Variants in RBFOX1 observed in about 807,000 individuals in gnomAD.
RBFOX1 encodes RNA binding protein fox-1 homolog 1.
RBFOX1 carries 8 observed loss-of-function variants against 57.7 expected under a neutral mutation model. The ratio of observed to expected loss-of-function variants is 0.14; its 90% CI spans 0.08 to 0.25. The LOEUF (loss-of-function observed/expected upper bound fraction) is 0.25, where lower values mean the gene tolerates loss of function less well. Among genes scored for constraint, RBFOX1 ranks in the 10% least tolerant of loss-of-function variants. The pLI is 1.00. For missense variants in RBFOX1, 611 were observed against 548.5 expected (o/e 1.11, Z -1.14); for synonymous variants, 326 against 222.4 (o/e 1.47, Z -4.15).
chr16:6,093,533 A>C (rs1276245177), intron 1 of RBFOX1, among the ~76,000 whole-genome samples: 2 of 152,208 alleles, frequency 1.3e-5, no homozygotes, highest in African/African-American at 2.4e-5. Flanking sequence ...GATCACATGC[A>C]ACTTTAATCT....
chr16:7,466,361 G>A (rs999793624), intron 4 of RBFOX1, among the ~76,000 whole-genome samples: 1 of 152,098 alleles, frequency 6.6e-6, no homozygotes, highest in Non-Finnish European at 1.5e-5. Flanking sequence ...CCAAGCTAGC[G>A]CTTCTAACTG....
At chr16:7,008,392 A>G (rs1253788284) in intron 3 of RBFOX1, among the ~76,000 whole-genome samples, 2 of 151,956 alleles carry the variant, frequency 1.3e-5, no homozygotes, top group Non-Finnish European at 2.9e-5. Context: ...AAATACAAAA[A>G]TTAGCCAGGC....
intron 1 of RBFOX1, among the ~76,000 whole-genome samples, chr16:5,271,370 C>G (rs1456845680): frequency 8.0e-6 from 1 of 124,242 alleles, no homozygotes; most frequent in Non-Finnish European, 1.8e-5. Context: ...TGCATACATA[C>G]ATACACATAC....
At chr16:5,885,798 G>C (rs1209237277) in intron 4 of RBFOX1, among the ~76,000 whole-genome samples, 1 of 152,154 alleles carries the variant, frequency 6.6e-6, no homozygotes, top group Non-Finnish European at 1.5e-5. Flanking sequence ...CATCAGACCA[G>C]GTGCCCTAAA....
intron 3 of RBFOX1, among the ~76,000 whole-genome samples, chr16:6,929,256 T>C (rs747490969): frequency 2.6e-5 from 4 of 152,108 alleles, no homozygotes; most frequent in East Asian, 1.9e-4. Flanking sequence ...GAAGAAGATA[T>C]TGCTAAGGGT....
At chr16:6,799,548 A>G (rs537231944) in intron 3 of RBFOX1, among the ~76,000 whole-genome samples, 1 of 152,218 alleles carries the variant, frequency 6.6e-6, no homozygotes, top group Non-Finnish European at 1.5e-5. Flanking sequence ...TATGTGTGTG[A>G]AGGTGTTGTC....
chr16:6,999,254 C>T lies in RBFOX1; in HGVS notation c.-15-52803C>T, dbSNP rs1445782123. On this transcript the variant is annotated intron_variant, in intron 3 of 15. Coordinates refer to ENST00000550418, the MANE Select transcript of RBFOX1 (RefSeq NM_018723.4). ...ATTTTTTTTTTTAGAGATCAGGTCT[C>T]ACTTGTTGATCAGGCTGGTCCTGAA... Among the ~76,000 whole-genome samples the T allele has an allele frequency of 1.1e-4, 13 of 116,666 alleles. No homozygotes were observed. In the East Asian group the frequency reaches 3.2e-3, roughly 29 times the overall value. The allele number at this position is 116,666 out of a possible 152,430, so 76.5% of individuals were successfully genotyped here. A position where few individuals can be genotyped will look rare whatever the true frequency, so the allele number is the denominator to read the frequency against.
intron 4 of RBFOX1, among the ~76,000 whole-genome samples, chr16:7,207,548 T>C (rs928849020): frequency 3.3e-5 from 5 of 152,086 alleles, no homozygotes; most frequent in African/African-American, 1.2e-4. Flanking sequence ...AATGAAGACG[T>C]GATTGGATTA....
chr16:7,708,975 C>T (rs181803151), intron 14 of RBFOX1, 81 bp from the exon 15 acceptor site: 48 of 1,345,890 alleles, frequency 3.6e-5, no homozygotes, highest in Middle Eastern at 1.8e-4. Context: ...TGCATACTGT[C>T]TTGGTATTTT....
intron 3 of RBFOX1, among the ~76,000 whole-genome samples, chr16:6,889,616 A>C (rs533998665): frequency 1.3e-5 from 2 of 152,320 alleles, no homozygotes; most frequent in South Asian, 4.1e-4. Context: ...GAGGAAGGGA[A>C]GAGTGCCAAT....
intron 4 of RBFOX1, among the ~76,000 whole-genome samples, chr16:5,908,502 G>T (rs1486764654): frequency 6.6e-6 from 1 of 151,664 alleles, no homozygotes; most frequent in Admixed American, 6.6e-5. Context: ...ACAGGTGCCT[G>T]CCACCATGCC....
intron 3 of RBFOX1, among the ~76,000 whole-genome samples, chr16:6,908,981 C>T (rs929596705): frequency 3.3e-5 from 5 of 152,160 alleles, no homozygotes; most frequent in Non-Finnish European, 7.4e-5. Flanking sequence ...GGGCTCCGTT[C>T]TTCTGCTTCT....
chr16:7,225,100 C>G (rs1325860353), intron 4 of RBFOX1, among the ~76,000 whole-genome samples: 6 of 152,050 alleles, frequency 3.9e-5, no homozygotes, highest in Non-Finnish European at 8.8e-5. Flanking sequence ...ATCAGGTGTT[C>G]CAAAAAGGGC....
chr16:7,486,918 G>C (rs1001584409), intron 4 of RBFOX1, among the ~76,000 whole-genome samples: 1 of 152,052 alleles, frequency 6.6e-6, no homozygotes, highest in African/African-American at 2.4e-5. Flanking sequence ...TTGTCTTTTT[G>C]AAATGGAGTC....
chr16:6,565,359 CT>C (rs1459972295), intron 2 of RBFOX1, among the ~76,000 whole-genome samples: 3 of 152,056 alleles, frequency 2.0e-5, no homozygotes, highest in African/African-American at 7.2e-5. Flanking sequence ...CAGATTCAAG[CT>C]GATTCTCCTG....
At chr16:5,790,637 T>C (rs559115796) in intron 3 of RBFOX1, among the ~76,000 whole-genome samples, 2 of 152,086 alleles carry the variant, frequency 1.3e-5, no homozygotes, top group Admixed American at 1.3e-4. Context: ...TTTCTTATCC[T>C]CCCTAAGCCT....
At chr16:5,684,490 G>A (rs1420642600) in intron 3 of RBFOX1, among the ~76,000 whole-genome samples, 1 of 152,170 alleles carries the variant, frequency 6.6e-6, no homozygotes, top group South Asian at 2.1e-4. Context: ...TGTTCCTTGT[G>A]TAGGTTTGTG....
chr16:7,159,679 T>C (rs2077879169), intron 4 of RBFOX1, among the ~76,000 whole-genome samples: 1 of 152,168 alleles, frequency 6.6e-6, no homozygotes. Context: ...GAAGGCAGTT[T>C]TGTTTGGATC....
intron 3 of RBFOX1, among the ~76,000 whole-genome samples, chr16:6,753,872 G>A (rs2075362324): frequency 6.6e-6 from 1 of 152,034 alleles, no homozygotes; most frequent in Non-Finnish European, 1.5e-5. Flanking sequence ...TGGTTGATGT[G>A]CTCTCGGTCA....
Sources: gnomAD v4.1 joint callset for allele counts (sites outside exome capture counted in the v4.1 genomes callset) on GRCh38, gnomAD v4.1.1 for gene constraint, MANE v1.5 for transcripts, NCBI Gene and HGNC (gene_info 2026-07-23, HGNC 2026-07-21) for gene names.